NPAS3: variants seen among roughly 807,000 people sequenced by gnomAD.
NPAS3 encodes neuronal PAS domain-containing protein 3.
In NPAS3, 14 loss-of-function variants were observed where a neutral mutation model predicts 73.1. The observed-to-expected ratio is 0.19, with a 90% confidence interval of 0.13 to 0.30. The LOEUF is 0.30. Ranked by LOEUF, NPAS3 falls within the 10% of genes least tolerant of loss-of-function variation. The pLI is 1.00. For synonymous variants in NPAS3, 620 were observed against 541.5 expected (o/e 1.14, Z -2.01); for missense variants, 1,096 against 1,250.0 (o/e 0.88, Z 1.86).
chr14:33,544,607 T>G (rs1345789910), intron 4 of NPAS3, among the ~76,000 whole-genome samples: 3 of 150,944 alleles, frequency 2.0e-5, no homozygotes, highest in Admixed American at 1.3e-4. Flanking sequence ...CCTTCCACAA[T>G]CTAGGAAGAG....
At chr14:33,479,487 A>C (rs1566938143) in intron 4 of NPAS3, among the ~76,000 whole-genome samples, 1 of 152,118 alleles carries the variant, frequency 6.6e-6, no homozygotes, top group African/African-American at 2.4e-5. Context: ...ATTAATGCAA[A>C]TGTTATAGAT....
chr14:33,076,589 A>G (rs188808796), intron 2 of NPAS3, among the ~76,000 whole-genome samples: 1 of 152,320 alleles, frequency 6.6e-6, no homozygotes, highest in East Asian at 1.9e-4. Flanking sequence ...GCAAGATTAT[A>G]TTAACATAGA....
intron 5 of NPAS3, among the ~76,000 whole-genome samples, chr14:33,601,258 T>A (rs977667794): frequency 1.3e-5 from 2 of 152,206 alleles, no homozygotes; most frequent in Admixed American, 1.3e-4. Flanking sequence ...GGGAGGATAA[T>A]TATTTTCCCG....
chr14:33,703,866 G>A (rs1207874396), intron 6 of NPAS3, among the ~76,000 whole-genome samples: 3 of 152,138 alleles, frequency 2.0e-5, no homozygotes, highest in Non-Finnish European at 2.9e-5. Context: ...CAGTAAGCAA[G>A]AGGGCCAGGA....
chr14:33,202,457 A>C (rs927551312), intron 2 of NPAS3, among the ~76,000 whole-genome samples: 1 of 152,136 alleles, frequency 6.6e-6, no homozygotes. Context: ...ACATAAGTAG[A>C]CTTGGTTAAA....
intron 4 of NPAS3, among the ~76,000 whole-genome samples, chr14:33,482,886 T>C (rs541692964): frequency 2.0e-5 from 3 of 152,348 alleles, no homozygotes; most frequent in East Asian, 1.9e-4. Context: ...ATTGTGTTGG[T>C]AATAAACATT....
chr14:33,115,401 T>A (rs968076565), intron 2 of NPAS3, among the ~76,000 whole-genome samples: 4 of 152,196 alleles, frequency 2.6e-5, no homozygotes, highest in Non-Finnish European at 2.9e-5. Context: ...GTCGTGCTTT[T>A]GCTTAGTGTA....
intron 2 of NPAS3, among the ~76,000 whole-genome samples, chr14:33,197,793 A>C (rs117331103): frequency 0.01 from 1,563 of 152,252 alleles, 24 homozygotes; most frequent in Middle Eastern, 0.017. Flanking sequence ...CTTTCTCTGT[A>C]ATCTCTTATG....
At position 33,659,554 on chromosome 14, in the gene NPAS3, T is replaced by C. The variant is rs149360135; in HGVS notation, c.559-16657T>C. Reference sequence around the variant, plus strand: ...TTTTAGCAAACAGAGCAAGAACTTATTAGCCTCAAAGACAGAACTTCATTT... The same window carrying C: ...TTTTAGCAAACAGAGCAAGAACTTACTAGCCTCAAAGACAGAACTTCATTT... On this transcript the variant is annotated intron_variant, in intron 5 of 11. Transcript: ENST00000356141. 3.1e-3 allele frequency among the ~76,000 whole-genome samples: 468 copies of C among 152,278 alleles called. 4 individuals carry two copies. Among genetic ancestry groups the C allele is most frequent in the African/African-American group, 0.011 (449 of 41,548 alleles).
chr14:33,752,577 G>T (rs1457741343), intron 7 of NPAS3, among the ~76,000 whole-genome samples: 2 of 152,146 alleles, frequency 1.3e-5, no homozygotes, highest in Non-Finnish European at 2.9e-5. Context: ...CATGCATTAT[G>T]GGTTGTTTTC....
intron 2 of NPAS3, among the ~76,000 whole-genome samples, chr14:33,167,028 T>G (rs2045186615): frequency 6.6e-6 from 1 of 152,182 alleles, no homozygotes; most frequent in African/African-American, 2.4e-5. Flanking sequence ...TAATTCTGCA[T>G]GCTTCACAAG....
At chr14:33,703,156 T>G (rs2060567285) in intron 6 of NPAS3, among the ~76,000 whole-genome samples, 1 of 152,066 alleles carries the variant, frequency 6.6e-6, no homozygotes, top group African/African-American at 2.4e-5. Flanking sequence ...AAAATTATAG[T>G]CAAAAGATAC....
rs540417551 is a variant in NPAS3, at chr14:33,371,705, C to T, written c.468+4437C>T. On this transcript the variant is annotated intron_variant, in intron 4 of 11. Coordinates refer to ENST00000356141, the Ensembl canonical transcript of NPAS3. ...CAACGTGTCTATGTGTGTGTGTAAA[C>T]GCAAAGAGAAGATAAAATATTGAAA... 3.6e-4 allele frequency among the ~76,000 whole-genome samples: 54 copies of T among 152,010 alleles called. No individual in the cohort carries two copies. The East Asian group carries it at 4.8e-3, about 14-fold the overall frequency.
At chr14:33,216,776 T>G (rs886090468) in intron 3 of NPAS3, among the ~76,000 whole-genome samples, 3 of 152,148 alleles carry the variant, frequency 2.0e-5, no homozygotes, top group African/African-American at 7.2e-5. Context: ...AGACCACTGC[T>G]CTAGAGTGTA....
intron 4 of NPAS3, among the ~76,000 whole-genome samples, chr14:33,490,524 A>G (rs1011538266): frequency 7.9e-5 from 12 of 152,044 alleles, no homozygotes; most frequent in African/African-American, 2.9e-4. Context: ...TTGTTCAGAG[A>G]TGGTTAGATA....
chr14:33,279,142 C>T (rs1011099556), intron 3 of NPAS3, among the ~76,000 whole-genome samples: 5 of 152,112 alleles, frequency 3.3e-5, no homozygotes, highest in African/African-American at 1.2e-4. Context: ...TGGTTTTGGC[C>T]TGAGAATTCA....
At chr14:32,972,313 A>T (rs2037468948) in intron 1 of NPAS3, among the ~76,000 whole-genome samples, 1 of 152,190 alleles carries the variant, frequency 6.6e-6, no homozygotes, top group Non-Finnish European at 1.5e-5. Flanking sequence ...TTAAAAGCAA[A>T]GAAACTTGAT....
chr14:33,600,327 C>CT (rs1199422707), intron 5 of NPAS3, among the ~76,000 whole-genome samples: 11 of 152,184 alleles, frequency 7.2e-5, no homozygotes, highest in Admixed American at 7.2e-4. Flanking sequence ...CCAATGGAGT[C>CT]TGTAAGTCTG....
chr14:33,403,230 A>G (rs1490246390), intron 4 of NPAS3, among the ~76,000 whole-genome samples: 1 of 152,132 alleles, frequency 6.6e-6, no homozygotes, highest in African/African-American at 2.4e-5. Context: ...AATGAACTAG[A>G]AGAAAGTTTG....
Sources: gnomAD v4.1 joint callset for allele counts (sites outside exome capture counted in the v4.1 genomes callset) on GRCh38, gnomAD v4.1.1 for gene constraint, MANE v1.5 for transcripts, NCBI Gene and HGNC (gene_info 2026-07-23, HGNC 2026-07-21) for gene names.